The following MYF5 variants were observed in gnomAD, a reference collection of about 807,000 sequenced individuals.
The protein encoded by MYF5 is class C basic helix-loop-helix protein 2.
MYF5 carries 20 observed loss-of-function variants against 22.3 expected under a neutral mutation model. The observed-to-expected ratio is 0.90, with a 90% CI of 0.63 to 1.30. The LOEUF (loss-of-function observed/expected upper bound fraction) is 1.30. Among genes scored for constraint, MYF5 ranks in the 50% most tolerant of loss-of-function variants. The pLI is 0.00. For missense variants in MYF5, 348 were observed against 325.9 expected (o/e 1.07, Z -0.52); for synonymous variants, 141 against 128.4 (o/e 1.10, Z -0.66).
At chr12:80,718,294 C>A in intron 1 of MYF5, 64 bp from the exon 2 acceptor site, 1 of 1,358,634 alleles carries the variant, frequency 7.4e-7, no homozygotes, top group East Asian at 2.3e-5. Context: ...ACAGCCTCAC[C>A]TTTGGTCAGA....
At chr12:80,718,284 A>ACAGCCTCACCTTTGGT in intron 1 of MYF5, 74 bp from the exon 2 acceptor site, 1 of 1,228,290 alleles carries the variant, frequency 8.1e-7, no homozygotes. Flanking sequence ...GTGGGCAAGC[A>ACAGCCTCACCTTTGGT]CAGCCTCACC....
chr12:80,718,848 C>T lies in MYF5; in HGVS notation c.578-13C>T, dbSNP rs751421525. Reference sequence around the variant, plus strand: ...CTAATTATTTTTTAATGCTTTTCTCCTTGTATCCTTAGTATATGCCACAGA... The same window carrying T: ...CTAATTATTTTTTAATGCTTTTCTCTTTGTATCCTTAGTATATGCCACAGA... On this transcript the variant is annotated splice_polypyrimidine_tract_variant and intron_variant, in intron 2 of 2. Coordinates refer to ENST00000228644, the MANE Select transcript of MYF5 (RefSeq NM_005593.3). The T allele has an allele frequency of 8.1e-6, 13 of 1,597,992 alleles. No individual in the cohort carries two copies. Among genetic ancestry groups the T allele is most frequent in the African/African-American group, 1.3e-5 (1 of 74,330 alleles).
chr12:80,717,953 T>A (rs529122036), intron 1 of MYF5, among the ~76,000 whole-genome samples: 4 of 152,234 alleles, frequency 2.6e-5, no homozygotes, highest in Admixed American at 2.6e-4. Context: ...CCCCAGTTCC[T>A]GCTCCAATGA....
At chr12:80,718,693 C>G (rs922651278) in intron 2 of MYF5, among the ~76,000 whole-genome samples, 168 bp from the exon 3 acceptor site, 1 of 152,178 alleles carries the variant, frequency 6.6e-6, no homozygotes, top group African/African-American at 2.4e-5. Context: ...CCCACGTCTA[C>G]CCCTCAGGAA....
intron 1 of MYF5, 104 bp downstream of exon 1, chr12:80,717,668 C>A: frequency 7.2e-7 from 1 of 1,392,656 alleles, no homozygotes; most frequent in South Asian, 1.4e-5. Flanking sequence ...GAGGCAGATG[C>A]TGAGTTGCTT....
chr12:80,719,279 A>G lies in MYF5; in HGVS notation c.*228A>G. 2 of 345,860 alleles carry G rather than the reference A, an allele frequency of 5.8e-6. No homozygotes were observed. Among genetic ancestry groups the G allele is most frequent in the East Asian group, 5.5e-5 (1 of 18,118 alleles). 21.4% of individuals were successfully genotyped at this position (345,860 alleles called of 1,614,324 possible). ...TTATTCTTTGCTTAGATATTAATAC[A>G]TAGTTCCAGTAATACTATTTCTGAT... On this transcript the variant is annotated 3_prime_UTR_variant, in exon 3 of 3. Transcript: ENST00000228644.
Position 80,719,292 on chromosome 12 carries a change from T to C in MYF5, c.*241T>C, listed in dbSNP as rs891281085. The C allele has an allele frequency of 6.4e-5, 17 of 265,850 alleles. No homozygotes were observed. Among genetic ancestry groups the C allele is most frequent in the Non-Finnish European group, 9.9e-5 (14 of 141,054 alleles). The allele number at this position is 265,850 out of a possible 1,614,324, so 16.5% of individuals were successfully genotyped here. ...AGATATTAATACATAGTTCCAGTAA[T>C]ACTATTTCTGATAGGGGGCCATTGA... is the stretch of plus-strand genomic sequence containing the variant. On this transcript the variant is annotated 3_prime_UTR_variant, in exon 3 of 3. Transcript: ENST00000228644.
At chr12:80,718,512 A>G in intron 2 of MYF5, 79 bp downstream of exon 2, 1 of 1,262,628 alleles carries the variant, frequency 7.9e-7, no homozygotes. Flanking sequence ...GTTCTTGCTG[A>G]TAGTATTGGG....
At position 80,719,117 on chromosome 12, in the gene MYF5, A is replaced by G. The variant is rs1868686001; in HGVS notation, c.*66A>G. ...AATACACAGGAAGAAGAAGGCTTCAAAAAGTCCCAAACCAAGACAACATGT... is the reference window on the plus strand; with the variant it reads ...AATACACAGGAAGAAGAAGGCTTCAGAAAGTCCCAAACCAAGACAACATGT... On this transcript the variant is annotated 3_prime_UTR_variant, in exon 3 of 3. Coordinates refer to ENST00000228644, the MANE Select transcript of MYF5 (RefSeq NM_005593.3). The G allele has an allele frequency of 1.5e-6, 2 of 1,358,994 alleles. No homozygotes were observed. The highest frequency in any genetic ancestry group is 2.0e-6 in the Non-Finnish European group (2 of 995,200). The allele number at this position is 1,358,994 out of a possible 1,614,324, so 84.2% of individuals were successfully genotyped here.
In MYF5 at chr12:80,719,574, C is replaced by A. The variant is rs1228418350; in HGVS notation, c.*523C>A. 1 of 151,894 alleles carries A rather than the reference C, an allele frequency of 6.6e-6. No homozygotes were observed. Among genetic ancestry groups the A allele is most frequent in the Non-Finnish European group, 1.5e-5 (1 of 67,958 alleles). 9.4% of individuals were successfully genotyped at this position (151,894 alleles called of 1,614,324 possible). On this transcript the variant is annotated 3_prime_UTR_variant, in exon 3 of 3. Transcript: ENST00000228644. ...TGATCTTTTCTTGTAAGAAATGTAT[C>A]TTTTAAATGTAAGCACAAAATAGTA...
At position 80,717,495 on chromosome 12, in the gene MYF5, C is replaced by T. The variant is rs965301705; in HGVS notation, c.432C>T (p.Asn144=). ...LQELLREQVE[N]YYSLPGQSCS... ...AGTTGCTGAGAGAGCAGGTGGAGAA[C>T]TACTATAGCCTGCCGGGACAGAGCT... is the stretch of plus-strand genomic sequence containing the variant. The change falls in exon 1 of 3, where the codon AAC becomes AAT. Residue 144 remains asparagine, a synonymous_variant. Coordinates refer to ENST00000228644, the MANE Select transcript of MYF5 (RefSeq NM_005593.3). The T allele has an allele frequency of 2.5e-6, 4 of 1,614,048 alleles. No homozygotes were observed. The African/African-American group carries it at 5.3e-5, about 22-fold the overall frequency.
Position 80,717,368 on chromosome 12 carries a change from CTT to C in MYF5, c.307_308del (p.Phe103ArgfsTer44). Reference sequence around the variant, plus strand: ...AGGCGCCTGAAGAAGGTCAACCAGGCTTTCGAAACCCTCAAGAGGTGTACCAC... The same window carrying C: ...AGGCGCCTGAAGAAGGTCAACCAGGCTCGAAACCCTCAAGAGGTGTACCAC... On this transcript the variant is annotated frameshift_variant, in exon 1 of 3. Coordinates refer to ENST00000228644, the MANE Select transcript of MYF5 (RefSeq NM_005593.3). LOFTEE classifies it high-confidence loss of function. 1.2e-6 allele frequency: 2 copies of C among 1,614,206 alleles called. No individual in the cohort carries two copies. The highest frequency in any genetic ancestry group is 1.7e-6 in the Non-Finnish European group (2 of 1,180,040).
rs1162309978 is a variant in MYF5 at position 80,717,165 on chromosome 12, G to T, written c.102G>T (p.Pro34=). 1.2e-6 allele frequency: 2 copies of T among 1,613,852 alleles called. No homozygotes were observed. The highest frequency in any genetic ancestry group is 1.3e-5 in the African/African-American group (1 of 74,932). ...PEGEFGDEFV[P]RVAAFGAHKA... ...GTGAATTTGGGGACGAGTTTGTGCC[G>T]CGAGTGGCTGCCTTCGGAGCGCACA... The change falls in exon 1 of 3, where the codon CCG becomes CCT. Residue 34 remains proline (P), a synonymous_variant. Coordinates refer to ENST00000228644, the MANE Select transcript of MYF5 (RefSeq NM_005593.3).
At chr12:80,717,899 C>T (rs1269100923) in intron 1 of MYF5, among the ~76,000 whole-genome samples, 2 of 152,148 alleles carry the variant, frequency 1.3e-5, no homozygotes, top group African/African-American at 4.8e-5. Context: ...TCTAAAGGCA[C>T]CGTTTCTAAC....
Position 80,718,863 on chromosome 12 carries a change from T to C in MYF5, c.580T>C (p.Tyr194His), listed in dbSNP as rs778127383. ...TGCTTTTCTCCTTGTATCCTTAGTA[T>C]ATGCCACAGATAAAAACTCCTTATC... is the stretch of plus-strand genomic sequence containing the variant. ...SIYCPDVSNVYATDKNSLSSL... is the reference protein window; with the variant it reads ...SIYCPDVSNVHATDKNSLSSL... Residue 194 changes from tyrosine to histidine, a missense_variant and splice_region_variant, in exon 3 of 3, where the codon TAT becomes CAT. Physicochemically the swap from Tyr to His is moderately conservative, Grantham distance 83. Coordinates refer to ENST00000228644, the MANE Select transcript of MYF5 (RefSeq NM_005593.3). 1.9e-6 allele frequency: 3 copies of C among 1,611,250 alleles called. No individual in the cohort carries two copies. The highest frequency in any genetic ancestry group is 2.5e-6 in the Non-Finnish European group (3 of 1,177,574).
At chr12:80,717,807 G>A (rs1042421081) in intron 1 of MYF5, among the ~76,000 whole-genome samples, 2 of 152,152 alleles carry the variant, frequency 1.3e-5, no homozygotes, top group East Asian at 3.9e-4. Context: ...ATGGGTGGCT[G>A]TGAATGATCA....
In MYF5 at chr12:80,718,888, C is replaced by A. The variant is rs772224652; in HGVS notation, c.605C>A (p.Ser202Tyr). The A allele has an allele frequency of 1.2e-6, 2 of 1,613,864 alleles. No homozygotes were observed. Among genetic ancestry groups the A allele is most frequent in the South Asian group, 2.2e-5 (2 of 91,056 alleles). The change falls in exon 3 of 3, where the codon TCC becomes TAC. Residue 202 changes from serine to tyrosine, a missense_variant. By Grantham distance (144) the Ser-to-Tyr change is moderately radical. Transcript: ENST00000228644. ...NVYATDKNSLSSLDCLSNIVD... is the reference protein window; with the variant it reads ...NVYATDKNSLYSLDCLSNIVD... ...TATGCCACAGATAAAAACTCCTTATCCAGCTTGGATTGCTTATCCAACATA... is the reference window on the plus strand; with the variant it reads ...TATGCCACAGATAAAAACTCCTTATACAGCTTGGATTGCTTATCCAACATA...
chr12:80,718,140 C>A (rs540795953), intron 1 of MYF5, among the ~76,000 whole-genome samples: 4 of 152,150 alleles, frequency 2.6e-5, no homozygotes, highest in African/African-American at 9.7e-5. Flanking sequence ...AATTCCACCC[C>A]CTCTTCCCTT....
Position 80,717,022 on chromosome 12 carries a change from C to CCT in MYF5, c.-38_-37dup. 6.4e-7 allele frequency: 1 copy of CCT among 1,557,868 alleles called. No individual in the cohort carries two copies. Among genetic ancestry groups the CCT allele is most frequent in the South Asian group, 1.2e-5 (1 of 85,360 alleles). Reference sequence around the variant, plus strand: ...CGCCAGGCTCCCGTTTCTCCCCATCCCTCTCGCTGCCGTCCAGGTGCACCG... The same window carrying CCT: ...CGCCAGGCTCCCGTTTCTCCCCATCCCTCTCTCGCTGCCGTCCAGGTGCACCG... On this transcript the variant is annotated 5_prime_UTR_variant, in exon 1 of 3. Transcript: ENST00000228644.
Sources: gnomAD v4.1 joint callset for allele counts (sites outside exome capture counted in the v4.1 genomes callset) on GRCh38, gnomAD v4.1.1 for gene constraint, MANE v1.5 for transcripts, NCBI Gene and HGNC (gene_info 2026-07-23, HGNC 2026-07-21) for gene names.